MECOM: variants seen among roughly 807,000 people sequenced by gnomAD.
MECOM encodes histone-lysine N-methyltransferase MECOM.
In MECOM, 13 loss-of-function variants were observed where a neutral mutation model predicts 116.3. The observed-to-expected ratio is 0.11, with a 90% CI of 0.07 to 0.18. The LOEUF is 0.18. MECOM is among the 10% of genes least tolerant of loss of function. The probability of loss-of-function intolerance (pLI) is 1.00; values close to 1 mark genes in which losing one functional copy is unlikely to be tolerated. For missense variants in MECOM, 1,299 were observed against 1,509.0 expected (o/e 0.86, Z 2.31); for synonymous variants, 528 against 535.2 (o/e 0.99, Z 0.19).
chr3:169,154,908 C>A (rs958196317), intron 2 of MECOM, among the ~76,000 whole-genome samples: 5 of 152,110 alleles, frequency 3.3e-5, no homozygotes, highest in African/African-American at 7.2e-5. Context: ...ACCACCCAGG[C>A]TTGACCTTTC....
intron 2 of MECOM, among the ~76,000 whole-genome samples, chr3:169,255,971 T>C (rs550147810): frequency 6.6e-6 from 1 of 152,206 alleles, no homozygotes; most frequent in Non-Finnish European, 1.5e-5. Context: ...TTCCTGCCTT[T>C]CTCAATGATT....
chr3:169,516,789 A>G (rs1479400977), intron 1 of MECOM, among the ~76,000 whole-genome samples: 7 of 152,188 alleles, frequency 4.6e-5, no homozygotes, highest in Non-Finnish European at 7.3e-5. Flanking sequence ...TGGGGAATTC[A>G]TATTTTCCTT....
At chr3:169,106,667 C>T (rs894507930) in intron 10 of MECOM, among the ~76,000 whole-genome samples, 1 of 152,040 alleles carries the variant, frequency 6.6e-6, no homozygotes, top group African/African-American at 2.4e-5. Flanking sequence ...TAAGTTGGTA[C>T]AATCATTGGC....
chr3:169,087,946 A>G (rs9290356), intron 16 of MECOM, among the ~76,000 whole-genome samples: 145,763 of 152,272 alleles, frequency 0.96, 69,806 homozygotes, highest in East Asian at 0.99. Context: ...CATTTATTTT[A>G]CCTATTACCA....
chr3:169,451,230 T>G (rs1323911416), intron 1 of MECOM, among the ~76,000 whole-genome samples: 1 of 149,286 alleles, frequency 6.7e-6, no homozygotes, highest in Non-Finnish European at 1.5e-5. Context: ...CTCTCTCTCA[T>G]TTAGACTTTA....
chr3:169,553,192 A>T (rs563033571), intron 1 of MECOM, among the ~76,000 whole-genome samples: 36 of 152,286 alleles, frequency 2.4e-4, no homozygotes, highest in African/African-American at 8.2e-4. Flanking sequence ...ACAAATAAAT[A>T]TCAAAATCCT....
chr3:169,110,819 C>A (rs1376655562), intron 9 of MECOM, among the ~76,000 whole-genome samples: 1 of 152,108 alleles, frequency 6.6e-6, no homozygotes, highest in Admixed American at 6.5e-5. Flanking sequence ...TCCCTTACAC[C>A]AAGACGTGAC....
intron 1 of MECOM, among the ~76,000 whole-genome samples, chr3:169,423,696 T>C (rs1740153998): frequency 1.3e-5 from 2 of 152,116 alleles, no homozygotes; most frequent in African/African-American, 4.8e-5. Context: ...TCACCAAATA[T>C]TAACTCCATC....
chr3:169,171,870 ACT>A (rs541024555), intron 2 of MECOM, among the ~76,000 whole-genome samples: 1 of 152,172 alleles, frequency 6.6e-6, no homozygotes, highest in African/African-American at 2.4e-5. Context: ...CAGAGAACTG[ACT>A]CTAACAAAAT....
intron 2 of MECOM, among the ~76,000 whole-genome samples, chr3:169,272,346 T>C (rs907121119): frequency 3.9e-5 from 6 of 152,118 alleles, no homozygotes; most frequent in African/African-American, 1.4e-4. Context: ...AGGAATTGAA[T>C]CACAGATTCC....
At chr3:169,306,000 TAA>T (rs1717625396) in intron 2 of MECOM, among the ~76,000 whole-genome samples, 1 of 152,198 alleles carries the variant, frequency 6.6e-6, no homozygotes. Context: ...CTAGTTTGGT[TAA>T]AGATTTTCCT....
chr3:169,116,777 G>C, intron 7 of MECOM, 38 bp from the exon 8 acceptor site: 1 of 1,534,738 alleles, frequency 6.5e-7, no homozygotes, highest in South Asian at 1.3e-5. Flanking sequence ...CAGGCTTTAT[G>C]TCAATTGCTT....
intron 1 of MECOM, among the ~76,000 whole-genome samples, chr3:169,456,388 A>C (rs558588321): frequency 6.6e-6 from 1 of 152,366 alleles, no homozygotes; most frequent in African/African-American, 2.4e-5. Flanking sequence ...CCTAGTTGAC[A>C]AATCAAGGCA....
At chr3:169,186,360 G>A (rs1237286619) in intron 2 of MECOM, among the ~76,000 whole-genome samples, 1 of 56,602 alleles carries the variant, frequency 1.8e-5, no homozygotes, top group African/African-American at 8.0e-5. Flanking sequence ...AAGGAAGGAA[G>A]GAAGGAAGGA....
chr3:169,472,558 G>GA (rs1560318313), intron 1 of MECOM, among the ~76,000 whole-genome samples: 14 of 66,654 alleles, frequency 2.1e-4, no homozygotes, highest in East Asian at 8.3e-4. Context: ...GAAAAGAAAA[G>GA]AGAGGAGAGG....
chr3:169,469,786 T>C (rs867199098), intron 1 of MECOM, among the ~76,000 whole-genome samples: 1 of 152,198 alleles, frequency 6.6e-6, no homozygotes, highest in Non-Finnish European at 1.5e-5. Context: ...ACCCGTTATG[T>C]TTTGACTCTT....
intron 2 of MECOM, among the ~76,000 whole-genome samples, chr3:169,300,929 G>A (rs1191610347): frequency 4.6e-5 from 7 of 152,150 alleles, no homozygotes; most frequent in African/African-American, 1.7e-4. Context: ...TCAAGGCTTC[G>A]CTCAATAAGT....
At chr3:169,628,203 T>G (rs779253844) in intron 1 of MECOM, among the ~76,000 whole-genome samples, 34 of 152,370 alleles carry the variant, frequency 2.2e-4, no homozygotes, top group Middle Eastern at 3.4e-3. Context: ...GTTTTACACC[T>G]GCTGCGGGGA....
At chr3:169,222,721 C>A (rs1257661764) in intron 2 of MECOM, among the ~76,000 whole-genome samples, 3 of 152,202 alleles carry the variant, frequency 2.0e-5, no homozygotes, top group Non-Finnish European at 4.4e-5. Flanking sequence ...TTTTACCAAT[C>A]AAATTATAGC....
Sources: gnomAD v4.1 joint callset for allele counts (sites outside exome capture counted in the v4.1 genomes callset) on GRCh38, gnomAD v4.1.1 for gene constraint, MANE v1.5 for transcripts, NCBI Gene and HGNC (gene_info 2026-07-23, HGNC 2026-07-21) for gene names.